Variants in SCAF8 observed in about 807,000 individuals in gnomAD.
SCAF8 encodes SR-related CTD associated factor 8.
SCAF8 carries 23 observed loss-of-function variants against 140.5 expected under a neutral mutation model. The observed-to-expected ratio is 0.16, with a 90% CI of 0.12 to 0.23. SCAF8 has a LOEUF of 0.23. Among genes scored for constraint, SCAF8 ranks in the 10% least tolerant of loss-of-function variants. The pLI is 1.00. For synonymous variants in SCAF8, 575 were observed against 528.9 expected (o/e 1.09, Z -1.20); for missense variants, 1,397 against 1,555.7 (o/e 0.90, Z 1.72).
intron 1 of SCAF8, among the ~76,000 whole-genome samples, chr6:154,762,488 C>T (rs372050109): frequency 2.6e-4 from 39 of 152,166 alleles, no homozygotes; most frequent in African/African-American, 9.2e-4. Flanking sequence ...CAATAGTTAT[C>T]ATCGGAGTGA....
intron 16 of SCAF8, 125 bp from the exon 17 acceptor site, chr6:154,824,109 G>T: frequency 1.1e-6 from 1 of 882,672 alleles, no homozygotes. Flanking sequence ...CAAAAAGGGG[G>T]CATAAAACCC....
chr6:154,785,166 G>T (rs556734305), intron 3 of SCAF8, among the ~76,000 whole-genome samples: 76 of 152,026 alleles, frequency 5.0e-4, no homozygotes, highest in African/African-American at 1.8e-3. Flanking sequence ...CATTCTTGTG[G>T]TGTGTAGCAG....
chr6:154,742,182 A>C (rs908774581), intron 1 of SCAF8, among the ~76,000 whole-genome samples: 3 of 152,196 alleles, frequency 2.0e-5, no homozygotes, highest in African/African-American at 4.8e-5. Flanking sequence ...CTAGGGAATA[A>C]GTTGAATTGC....
chr6:154,775,918 A>G (rs1333135667), intron 2 of SCAF8, among the ~76,000 whole-genome samples: 1 of 152,164 alleles, frequency 6.6e-6, no homozygotes, highest in Non-Finnish European at 1.5e-5. Flanking sequence ...GCTGATTAAC[A>G]TGTTGCTACA....
intron 1 of SCAF8, among the ~76,000 whole-genome samples, chr6:154,746,560 C>T (rs765049147): frequency 2.0e-5 from 3 of 152,126 alleles, no homozygotes; most frequent in Admixed American, 6.6e-5. Context: ...ACAGCAAGAA[C>T]CCTGGCTTTT....
At chr6:154,803,443 G>C in intron 7 of SCAF8, 101 bp from the exon 8 acceptor site, 2 of 773,194 alleles carry the variant, frequency 2.6e-6, no homozygotes, top group South Asian at 1.5e-5. Context: ...CACATTAAAT[G>C]ATAGATATAA....
intron 1 of SCAF8, among the ~76,000 whole-genome samples, chr6:154,735,888 G>A (rs1778404169): frequency 6.6e-6 from 1 of 151,928 alleles, no homozygotes; most frequent in South Asian, 2.1e-4. Flanking sequence ...GTGCAGTGGT[G>A]TGATCTTGGC....
At chr6:154,803,675 G>A (rs769681676) in intron 8 of SCAF8, 52 bp downstream of exon 8, 3 of 1,110,964 alleles carry the variant, frequency 2.7e-6, no homozygotes, top group Admixed American at 1.8e-5. Context: ...GTGGGATGTT[G>A]CCATCTGAAT....
Position 154,733,489 on chromosome 6 carries a change from C to T in SCAF8, c.-412C>T. 7 of 1,329,058 alleles carry T rather than the reference C, an allele frequency of 5.3e-6. 1 individual carries two copies. The South Asian group carries it at 1.4e-4, about 26-fold the overall frequency. 82.3% of individuals were successfully genotyped at this position (1,329,058 alleles called of 1,614,324 possible). On this transcript the variant is annotated 5_prime_UTR_variant, in exon 1 of 20. Coordinates refer to ENST00000367178, the MANE Select transcript of SCAF8 (RefSeq NM_014892.5). ...GCCGAGCGGGGCTGGTTCCTGCGGCCCGAGCGGCGGGGAGGTGAAACAGGA... is the reference window on the plus strand; with the variant it reads ...GCCGAGCGGGGCTGGTTCCTGCGGCTCGAGCGGCGGGGAGGTGAAACAGGA...
intron 14 of SCAF8, 94 bp downstream of exon 14, chr6:154,818,686 CTCT>C (rs1169133292): frequency 9.3e-6 from 5 of 536,872 alleles, no homozygotes; most frequent in Admixed American, 7.3e-5. Context: ...GGGTCACAAG[CTCT>C]TCTTTTATTG....
rs1360298334 is a variant in SCAF8, at chr6:154,832,479, G to A, written c.2900G>A (p.Arg967His). The change falls in exon 20 of 20, where the codon CGT becomes CAT. Residue 967 changes from arginine to histidine, a missense_variant. Transcript: ENST00000367178. ...GATTCAGCTCTTCATCCACCACCCC[G>A]TGGACCTTTTCCTCCAGGAGATATT... ...VLDSALHPPP[R>H]GPFPPGDIFS... is the part of the protein sequence containing the mutation. 5.6e-6 allele frequency: 9 copies of A among 1,613,744 alleles called. No individual in the cohort carries two copies. Among genetic ancestry groups the A allele is most frequent in the South Asian group, 1.1e-5 (1 of 91,040 alleles).
chr6:154,734,532 G>T (rs1778357110), intron 1 of SCAF8, among the ~76,000 whole-genome samples: 1 of 152,086 alleles, frequency 6.6e-6, no homozygotes, highest in Non-Finnish European at 1.5e-5. Flanking sequence ...ATTTTTACTC[G>T]CTCCTCTTCT....
intron 1 of SCAF8, among the ~76,000 whole-genome samples, chr6:154,766,618 C>A (rs1226801156): frequency 6.7e-6 from 1 of 150,256 alleles, no homozygotes; most frequent in African/African-American, 2.5e-5. Context: ...TGAATTTCTC[C>A]AAGATTCATA....
At chr6:154,819,460 A>G (rs1449701969) in intron 14 of SCAF8, among the ~76,000 whole-genome samples, 1 of 151,672 alleles carries the variant, frequency 6.6e-6, no homozygotes, top group Non-Finnish European at 1.5e-5. Context: ...GTGTGATGGT[A>G]TGCTTCTATG....
chr6:154,785,330 A>G (rs1777220903), intron 3 of SCAF8, among the ~76,000 whole-genome samples: 1 of 152,220 alleles, frequency 6.6e-6, no homozygotes, highest in African/African-American at 2.4e-5. Flanking sequence ...GGTAATAAAT[A>G]TCCTCATACA....
chr6:154,747,841 G>A (rs1239674153), intron 1 of SCAF8, among the ~76,000 whole-genome samples: 2 of 151,166 alleles, frequency 1.3e-5, no homozygotes, highest in Admixed American at 1.3e-4. Flanking sequence ...GTACAAAACA[G>A]ACCAAATGAA....
chr6:154,832,615 A>T lies in SCAF8; in HGVS notation c.3036A>T (p.Gly1012=), dbSNP rs753281520. 1.2e-6 allele frequency: 2 copies of T among 1,614,070 alleles called. No homozygotes were observed. The highest frequency in any genetic ancestry group is 1.7e-6 in the Non-Finnish European group (2 of 1,179,982). The part of the protein sequence containing the change: ...PLGNDNIQQE[G]DRDYRFPPIE... Reference sequence around the variant, plus strand: ...GGAATGATAACATTCAACAGGAAGGAGATAGAGATTACCGGTTTCCTCCTA... The same window carrying T: ...GGAATGATAACATTCAACAGGAAGGTGATAGAGATTACCGGTTTCCTCCTA... The change falls in exon 20 of 20, where the codon GGA becomes GGT. Residue 1012 remains glycine (G), a synonymous_variant. Transcript: ENST00000367178.
Position 154,832,484 on chromosome 6 carries a change from C to G in SCAF8, c.2905C>G (p.Pro969Ala), listed in dbSNP as rs1448103190. The part of the protein sequence containing the change: ...DSALHPPPRG[P>A]FPPGDIFSQP... ...AGCTCTTCATCCACCACCCCGTGGA[C>G]CTTTTCCTCCAGGAGATATTTTTAG... Residue 969 changes from proline (P) to alanine (A), a missense_variant, in exon 20 of 20, where the codon CCT (proline) becomes GCT (alanine). By Grantham distance (27) the Pro-to-Ala change is conservative. Around this residue, in one of 5 missense-constraint regions of SCAF8, gnomAD observed 930 missense variants for 874.6 expected, o/e 1.06. Coordinates refer to ENST00000367178, the MANE Select transcript of SCAF8 (RefSeq NM_014892.5). The G allele has an allele frequency of 2.0e-5, 33 of 1,613,822 alleles. No homozygotes were observed. The highest frequency in any genetic ancestry group is 2.8e-5 in the Non-Finnish European group (33 of 1,179,960).
intron 1 of SCAF8, among the ~76,000 whole-genome samples, chr6:154,744,076 C>T (rs942747698): frequency 2.0e-5 from 3 of 152,122 alleles, no homozygotes; most frequent in Admixed American, 6.5e-5. Context: ...GGGTGGATCA[C>T]GAGGTCAGGA....
Sources: gnomAD v4.1 joint callset for allele counts (sites outside exome capture counted in the v4.1 genomes callset) on GRCh38, gnomAD v4.1.1 for gene constraint, gnomAD v4.1.1 regional missense constraint, MANE v1.5 for transcripts, NCBI Gene and HGNC (gene_info 2026-07-23, HGNC 2026-07-21) for gene names.